COG5: variants seen among roughly 807,000 people sequenced by gnomAD.
The protein encoded by COG5 is component of oligomeric golgi complex 5, also known as conserved oligomeric Golgi complex subunit 5.
A neutral mutation model predicts 110.4 loss-of-function variants in COG5; 86 were observed. That is an observed-to-expected ratio of 0.78 (90% confidence interval 0.65 to 0.93). COG5 has a LOEUF of 0.93. Ranked by LOEUF, COG5 falls within the 40% of genes least tolerant of loss-of-function variation. The probability of loss-of-function intolerance (pLI) is 0.00; values close to 1 mark genes in which losing one functional copy is unlikely to be tolerated. For missense variants in COG5, 1,077 were observed against 987.0 expected (o/e 1.09, Z -1.22); for synonymous variants, 360 against 334.6 (o/e 1.08, Z -0.83).
At chr7:107,460,470 T>A (rs1385686401) in intron 6 of COG5, among the ~76,000 whole-genome samples, 1 of 151,878 alleles carries the variant, frequency 6.6e-6, no homozygotes, top group South Asian at 2.1e-4. Flanking sequence ...TTAGAAAGCA[T>A]ACTGAACTAA....
intron 10 of COG5, among the ~76,000 whole-genome samples, chr7:107,336,854 G>A (rs1416828943): frequency 3.3e-5 from 5 of 152,076 alleles, no homozygotes; most frequent in African/African-American, 7.2e-5. Flanking sequence ...GAATGACCCA[G>A]CCAGCTCATT....
At chr7:107,276,712 G>T (rs1804729428) in intron 14 of COG5, among the ~76,000 whole-genome samples, 1 of 151,972 alleles carries the variant, frequency 6.6e-6, no homozygotes, top group South Asian at 2.1e-4. Flanking sequence ...TCTTCTAAAG[G>T]TCACATTTCA....
intron 6 of COG5, among the ~76,000 whole-genome samples, chr7:107,499,692 C>T (rs1276223526): frequency 6.6e-6 from 1 of 152,032 alleles, no homozygotes; most frequent in Non-Finnish European, 1.5e-5. Context: ...TGTCAGCCAC[C>T]ATGCCTAGCC....
intron 7 of COG5, among the ~76,000 whole-genome samples, chr7:107,388,817 T>C (rs1301258584): frequency 6.6e-6 from 1 of 152,098 alleles, no homozygotes; most frequent in Non-Finnish European, 1.5e-5. Flanking sequence ...AACCACACCA[T>C]GGCGTGCCTA....
At chr7:107,272,019 T>C (rs1000588933) in intron 14 of COG5, among the ~76,000 whole-genome samples, 2 of 152,214 alleles carry the variant, frequency 1.3e-5, no homozygotes, top group African/African-American at 4.8e-5. Context: ...AACTTTGAAA[T>C]ACCTGGGGGA....
chr7:107,450,987 C>A (rs1428514321), intron 6 of COG5, among the ~76,000 whole-genome samples: 2 of 152,096 alleles, frequency 1.3e-5, no homozygotes, highest in Non-Finnish European at 2.9e-5. Flanking sequence ...GTGATAAGGA[C>A]CTTTAAGGCT....
chr7:107,393,243 G>A (rs899576178), intron 7 of COG5, among the ~76,000 whole-genome samples: 2 of 152,068 alleles, frequency 1.3e-5, no homozygotes, highest in East Asian at 3.9e-4. Flanking sequence ...CAATGTTCCA[G>A]GATCAGCTCT....
At chr7:107,384,468 C>A (rs1436246957) in intron 7 of COG5, among the ~76,000 whole-genome samples, 3 of 152,144 alleles carry the variant, frequency 2.0e-5, no homozygotes, top group Non-Finnish European at 4.4e-5. Context: ...AACTGCCGGG[C>A]AGGAAGCACT....
At chr7:107,528,613 A>G (rs1456749740) in intron 5 of COG5, among the ~76,000 whole-genome samples, 2 of 152,138 alleles carry the variant, frequency 1.3e-5, no homozygotes, top group Non-Finnish European at 2.9e-5. Flanking sequence ...TGAATAACCA[A>G]CATGTAGTGA....
At chr7:107,296,348 T>C (rs1021241247) in intron 12 of COG5, among the ~76,000 whole-genome samples, 1 of 152,092 alleles carries the variant, frequency 6.6e-6, no homozygotes, top group Non-Finnish European at 1.5e-5. Flanking sequence ...GATTTAAAAA[T>C]AAAACTAAGG....
chr7:107,295,066 C>CACACATATATATATATAT (rs1366898060), intron 12 of COG5, among the ~76,000 whole-genome samples: 6 of 45,848 alleles, frequency 1.3e-4, no homozygotes, highest in African/African-American at 5.4e-4. Context: ...CACACACACA[C>CACACATATATATATATAT]ATATATATAT....
chr7:107,514,061 A>C (rs1238059709), intron 6 of COG5, among the ~76,000 whole-genome samples: 2 of 152,038 alleles, frequency 1.3e-5, no homozygotes, highest in Non-Finnish European at 2.9e-5. Flanking sequence ...TAATAAAATA[A>C]AATAAAATAA....
intron 7 of COG5, among the ~76,000 whole-genome samples, chr7:107,407,255 G>A (rs956340266): frequency 1.3e-5 from 2 of 152,090 alleles, no homozygotes; most frequent in African/African-American, 4.8e-5. Flanking sequence ...GGTGGCACGT[G>A]CCTGTAATCC....
intron 6 of COG5, among the ~76,000 whole-genome samples, chr7:107,509,365 A>C (rs748185628): frequency 1.1e-4 from 17 of 152,340 alleles, no homozygotes; most frequent in Non-Finnish European, 2.1e-4. Context: ...ATAAAAAGAA[A>C]TGAACAAAGC....
At chr7:107,428,194 C>T (rs1168070767) in intron 6 of COG5, among the ~76,000 whole-genome samples, 1 of 152,098 alleles carries the variant, frequency 6.6e-6, no homozygotes, top group African/African-American at 2.4e-5. Flanking sequence ...TGTAGGTTGG[C>T]CTTCACACTT....
chr7:107,206,119 C>G (rs1033652580), intron 21 of COG5, among the ~76,000 whole-genome samples: 1 of 152,102 alleles, frequency 6.6e-6, no homozygotes, highest in African/African-American at 2.4e-5. Flanking sequence ...CGCCATTGCA[C>G]CCGGCTAATT....
At chr7:107,395,361 A>G (rs574582919) in intron 7 of COG5, among the ~76,000 whole-genome samples, 5 of 152,142 alleles carry the variant, frequency 3.3e-5, no homozygotes, top group East Asian at 1.9e-4. Flanking sequence ...CACATTCCCA[A>G]CTCACTGTGT....
intron 7 of COG5, among the ~76,000 whole-genome samples, chr7:107,408,288 A>G (rs1792011116): frequency 6.6e-6 from 1 of 152,156 alleles, no homozygotes. Flanking sequence ...AATCTAAACT[A>G]TTTACTATCT....
intron 6 of COG5, among the ~76,000 whole-genome samples, chr7:107,418,689 C>G (rs1044686124): frequency 3.3e-5 from 5 of 150,720 alleles, no homozygotes; most frequent in Non-Finnish European, 7.4e-5. Context: ...ATCCAAAACT[C>G]CAAGGACAAC....
Sources: gnomAD v4.1 joint callset for allele counts (sites outside exome capture counted in the v4.1 genomes callset) on GRCh38, gnomAD v4.1.1 for gene constraint, MANE v1.5 for transcripts, NCBI Gene and HGNC (gene_info 2026-07-23, HGNC 2026-07-21) for gene names.